Variants in FCGR1A observed in about 807,000 individuals in gnomAD.
FCGR1A encodes high affinity immunoglobulin gamma Fc receptor I.
A neutral mutation model predicts 35.0 loss-of-function variants in FCGR1A; 13 were observed. The ratio of observed to expected loss-of-function variants is 0.37; its 90% confidence interval spans 0.24 to 0.59. FCGR1A has a LOEUF of 0.59. FCGR1A is among the 20% of genes least tolerant of loss of function. The pLI is 0.71. For missense variants in FCGR1A, 227 were observed against 430.0 expected, an observed-to-expected ratio of 0.53 and a Z score of 4.17; for synonymous variants, 91 against 164.7, an observed-to-expected ratio of 0.55 and a Z score of 3.43.
chr1:149,788,209 C>T (rs2091602334), intron 3 of FCGR1A, 157 bp from the exon 4 acceptor site: 1 of 1,515,800 alleles, frequency 6.6e-7, no homozygotes, highest in African/African-American at 1.4e-5. Context: ...TCCACCAAAG[C>T]TAAAGATATT....
Position 149,790,311 on chromosome 1 carries a change from A to C in FCGR1A, c.817A>C (p.Ser273Arg), listed in dbSNP as rs1553751609. The change falls in exon 5 of 6, where the codon AGC (serine) becomes CGC (arginine). Residue 273 changes from serine to arginine, a missense_variant. Ser to Arg is a moderately radical substitution (Grantham distance 110, BLOSUM62 -1). This residue lies in a region of FCGR1A where 185 missense variants were observed against 306.6 expected (regional missense o/e 0.60). Transcript: ENST00000369168. Reference sequence around the variant, plus strand: ...AGAGGATGGAAATGTCCTTAAGCGCAGCCCTGAGTTGGAGCTTCAAGTGCT... The same window carrying C: ...AGAGGATGGAAATGTCCTTAAGCGCCGCCCTGAGTTGGAGCTTCAAGTGCT... ...ATEDGNVLKR[S>R]PELELQVLGL... is the part of the protein sequence containing the mutation. The C allele has an allele frequency of 1.9e-6, 3 of 1,589,100 alleles. No homozygotes were observed. The Admixed American group carries it at 5.4e-5, about 29-fold the overall frequency.
chr1:149,797,579 G>T, the FCGR1A span, among the ~76,000 whole-genome samples: 1 of 152,120 alleles, frequency 6.6e-6, no homozygotes, highest in Non-Finnish European at 1.5e-5. Flanking sequence ...ACTTTCCACA[G>T]GTTTTTGTTG....
chr1:149,798,526 A>C, the FCGR1A span, among the ~76,000 whole-genome samples: 3 of 151,942 alleles, frequency 2.0e-5, no homozygotes, highest in Non-Finnish European at 2.9e-5. Flanking sequence ...TTAAATGCAA[A>C]CAATTCATGG....
At chr1:149,793,081 T>C (rs1553752337), downstream of FCGR1A, 4 of 1,274,494 alleles carry the variant, frequency 3.1e-6, no homozygotes, top group Non-Finnish European at 3.0e-6. Flanking sequence ...CTGTGGAGGT[T>C]GCAGCTGCCG....
chr1:149,785,351 G>C (rs2091512756), intron 3 of FCGR1A, among the ~76,000 whole-genome samples: 1 of 148,934 alleles, frequency 6.7e-6, no homozygotes, highest in Admixed American at 6.7e-5. Flanking sequence ...TGTCCCTTAG[G>C]TCTCTGTAAA....
At chr1:149,792,147 A>G (rs2091726723), downstream of FCGR1A, 1 of 158,530 alleles carries the variant, frequency 6.3e-6, no homozygotes, top group Non-Finnish European at 1.4e-5. Flanking sequence ...GCTCTCTCAT[A>G]ACCCCTCTAT....
At chr1:149,794,058 C>T (rs1553752538), downstream of FCGR1A, 4 of 547,910 alleles carry the variant, frequency 7.3e-6, no homozygotes, top group Admixed American at 4.7e-5. Context: ...CTCACTGCCA[C>T]CAGGCTTAGT....
At chr1:149,796,318 T>G (rs1193090784), downstream of FCGR1A, among the ~76,000 whole-genome samples, 3 of 152,198 alleles carry the variant, frequency 2.0e-5, no homozygotes, top group South Asian at 2.1e-4. Flanking sequence ...AGAAAATCTC[T>G]AAGGAAGACT....
downstream of FCGR1A, chr1:149,792,161 T>A (rs1239251848): frequency 3.8e-5 from 6 of 158,614 alleles, no homozygotes; most frequent in African/African-American, 1.5e-4. Context: ...CCTCTATTTC[T>A]AGAGACAACA....
Position 149,784,046 on chromosome 1 carries a change from C to T in FCGR1A, c.96C>T (p.Ser32=), listed in dbSNP as rs143357831. 24 of 1,610,162 alleles carry T rather than the reference C, an allele frequency of 1.5e-5. No homozygotes were observed. The highest frequency in any genetic ancestry group is 4.1e-5 in the African/African-American group (3 of 73,960). Residue 32 remains serine, a synonymous_variant, in exon 3 of 6, where the codon AGC becomes AGT. Coordinates refer to ENST00000369168, the MANE Select transcript of FCGR1A (RefSeq NM_000566.4). ...AVITLQPPWV[S]VFQEETVTLH... Reference sequence around the variant, plus strand: ...TCACTTTGCAGCCTCCATGGGTCAGCGTGTTCCAAGAGGAAACCGTAACCT... The same window carrying T: ...TCACTTTGCAGCCTCCATGGGTCAGTGTGTTCCAAGAGGAAACCGTAACCT...
chr1:149,784,045 G>C lies in FCGR1A; in HGVS notation c.95G>C (p.Ser32Thr). ...AVITLQPPWV[S>T]VFQEETVTLH... ...ATCACTTTGCAGCCTCCATGGGTCAGCGTGTTCCAAGAGGAAACCGTAACC... is the reference window on the plus strand; with the variant it reads ...ATCACTTTGCAGCCTCCATGGGTCACCGTGTTCCAAGAGGAAACCGTAACC... The change falls in exon 3 of 6, where the codon AGC becomes ACC. Residue 32 changes from serine to threonine, a missense_variant. Ser to Thr is a moderately conservative substitution (Grantham distance 58). Coordinates refer to ENST00000369168, the MANE Select transcript of FCGR1A (RefSeq NM_000566.4). The C allele has an allele frequency of 6.2e-7, 1 of 1,610,142 alleles. No homozygotes were observed. Among genetic ancestry groups the C allele is most frequent in the Non-Finnish European group, 8.5e-7 (1 of 1,179,586 alleles).
intron 4 of FCGR1A, among the ~76,000 whole-genome samples, chr1:149,789,380 G>A (rs138067629): frequency 0.055 from 8,043 of 146,874 alleles, 302 homozygotes; most frequent in Non-Finnish European, 0.081. Context: ...GCAACAGAGC[G>A]AGACTACGTC....
At chr1:149,789,634 C>T (rs1228690978) in intron 4 of FCGR1A, among the ~76,000 whole-genome samples, 10 of 152,268 alleles carry the variant, frequency 6.6e-5, no homozygotes, top group African/African-American at 2.4e-4. Context: ...GCCAGCATTA[C>T]GGCCTGAGCT....
At position 149,788,471 on chromosome 1, in the gene FCGR1A, A is replaced by G; in HGVS notation, c.413A>G (p.Tyr138Cys). 3 of 1,613,710 alleles carry G rather than the reference A, an allele frequency of 1.9e-6. No homozygotes were observed. Among genetic ancestry groups the G allele is most frequent in the Non-Finnish European group, 2.5e-6 (3 of 1,179,758 alleles). The stretch of plus-strand genomic sequence containing the variant: ...AAGCTGGTGTACAATGTGCTTTACT[A>G]TCGAAATGGCAAAGCCTTTAAGTTT... ...KDKLVYNVLY[Y>C]RNGKAFKFFH... Residue 138 changes from tyrosine (Y) to cysteine (C), a missense_variant, in exon 4 of 6, where the codon TAT becomes TGT. Tyr to Cys is a radical substitution (Grantham distance 194). Coordinates refer to ENST00000369168, the MANE Select transcript of FCGR1A (RefSeq NM_000566.4).
chr1:149,784,399 A>G (rs1327524758), intron 3 of FCGR1A, 142 bp downstream of exon 3: 45 of 1,456,046 alleles, frequency 3.1e-5, no homozygotes, highest in Non-Finnish European at 3.7e-5. Flanking sequence ...AAACTAAATC[A>G]GTATACTCAA....
intron 3 of FCGR1A, among the ~76,000 whole-genome samples, chr1:149,785,023 T>C (rs1553750667): frequency 6.6e-6 from 1 of 152,222 alleles, no homozygotes; most frequent in African/African-American, 2.4e-5. Context: ...ATGGAATTAT[T>C]GTCATATTTT....
At position 149,784,072 on chromosome 1, in the gene FCGR1A, T is replaced by A; in HGVS notation, c.122T>A (p.Leu41Ter). 6.2e-7 allele frequency: 1 copy of A among 1,611,248 alleles called. No individual in the cohort carries two copies. Among genetic ancestry groups the A allele is most frequent in the Non-Finnish European group, 8.5e-7 (1 of 1,179,766 alleles). ...GTGTTCCAAGAGGAAACCGTAACCT[T>A]GCACTGTGAGGTGCTCCATCTGCCT... is the stretch of plus-strand genomic sequence containing the variant. ...VSVFQEETVTLHCEVLHLPGS... is the reference protein window; with the variant it reads ...VSVFQEETVT The change falls in exon 3 of 6, where the codon TTG becomes TAG. Residue 41 changes from leucine (L) to a stop codon, truncating the protein, a stop_gained. Coordinates refer to ENST00000369168, the MANE Select transcript of FCGR1A (RefSeq NM_000566.4). LOFTEE classifies it high-confidence loss of function.
At chr1:149,793,987 C>T, downstream of FCGR1A, 1 of 946,800 alleles carries the variant, frequency 1.1e-6, no homozygotes, top group Non-Finnish European at 1.5e-6. Context: ...GCGATTCCAG[C>T]CCTGAGAACC....
chr1:149,800,407 G>C, the FCGR1A span, among the ~76,000 whole-genome samples: 1 of 150,212 alleles, frequency 6.7e-6, no homozygotes, highest in Non-Finnish European at 1.5e-5. Context: ...CCGGAAGTTG[G>C]AGGTGGGCTG....
Sources: gnomAD v4.1 joint callset for allele counts (sites outside exome capture counted in the v4.1 genomes callset) on GRCh38, gnomAD v4.1.1 for gene constraint, gnomAD v4.1.1 regional missense constraint, MANE v1.5 for transcripts, NCBI Gene and HGNC (gene_info 2026-07-23, HGNC 2026-07-21) for gene names.